SRP72: variants seen among roughly 807,000 people sequenced by gnomAD.
The protein encoded by SRP72 is signal recognition particle 72.
Under a neutral mutation model 96.3 loss-of-function variants are expected in SRP72, and 49 were observed. That is an observed-to-expected ratio of 0.51 (90% CI 0.40 to 0.65). SRP72 has a LOEUF of 0.65. SRP72 is among the 30% of genes least tolerant of loss of function. The pLI is 0.00. For synonymous variants in SRP72, 267 were observed against 275.2 expected, an observed-to-expected ratio of 0.97 and a Z score of 0.30; for missense variants, 736 against 793.3, an observed-to-expected ratio of 0.93 and a Z score of 0.87.
chr4:56,491,078 T>A (rs12509542), intron 15 of SRP72, among the ~76,000 whole-genome samples: 1 of 152,068 alleles, frequency 6.6e-6, no homozygotes, highest in Non-Finnish European at 1.5e-5. Flanking sequence ...AATCAGAGTG[T>A]GTTCCCAAAA....
In SRP72 at chr4:56,483,606, T is replaced by G. The variant is rs372776542; in HGVS notation, c.957+336T>G. Among the ~76,000 whole-genome samples the G allele has an allele frequency of 1.2e-4, 19 of 152,008 alleles. No individual in the cohort carries two copies. In the East Asian group the frequency reaches 2.9e-3, roughly 23 times the overall value. Reference sequence around the variant, plus strand: ...CTGGAGACTGAGGCACAAGAATTGTTTGCAGTGAGCTGAGATTGTGCCACT... The same window carrying G: ...CTGGAGACTGAGGCACAAGAATTGTGTGCAGTGAGCTGAGATTGTGCCACT... On this transcript the variant is annotated intron_variant, in intron 9 of 18. Transcript: ENST00000642900.
chr4:56,469,895 T>TTC (rs1719900635), intron 2 of SRP72, 122 bp downstream of exon 2: 26 of 963,372 alleles, frequency 2.7e-5, no homozygotes, highest in Non-Finnish European at 3.6e-5. Context: ...TTCCTTTTTT[T>TTC]CCCCCCTTTT....
At chr4:56,489,185 T>C (rs1321943939) in intron 12 of SRP72, 28 of 414,730 alleles carry the variant, frequency 6.8e-5, no homozygotes, top group Admixed American at 4.0e-5. Flanking sequence ...TACAGATATC[T>C]ACCTTCATAT....
At chr4:56,496,845 G>A (rs1368805993) in intron 17 of SRP72, among the ~76,000 whole-genome samples, 2 of 151,976 alleles carry the variant, frequency 1.3e-5, no homozygotes, top group Non-Finnish European at 1.5e-5. Flanking sequence ...AAAATTAGCC[G>A]AGCAGTACTC....
At chr4:56,480,674 A>G (rs1452446155) in intron 8 of SRP72, among the ~76,000 whole-genome samples, 1 of 152,210 alleles carries the variant, frequency 6.6e-6, no homozygotes, top group East Asian at 1.9e-4. Flanking sequence ...GTCAGTGGGT[A>G]TTTCTGACTT....
At chr4:56,478,730 C>A (rs2110117636) in intron 8 of SRP72, 81 bp downstream of exon 8, 1 of 1,387,320 alleles carries the variant, frequency 7.2e-7, no homozygotes, top group Non-Finnish European at 9.9e-7. Flanking sequence ...TCTAGGATAG[C>A]CTAAGTGTTC....
In SRP72 at chr4:56,501,736, G is replaced by A; in HGVS notation, c.1891G>A (p.Ala631Thr). The change falls in exon 19 of 19, where the codon GCT becomes ACT. Residue 631 changes from alanine (A) to threonine (T), a missense_variant. By Grantham distance (58) the Ala-to-Thr change is moderately conservative. Transcript: ENST00000642900. ...SPPTSPRPGS[A>T]ATVSASTSNI... ...ACCCACCTCCCCAAGACCTGGCAGT[G>A]CTGCAACAGTATCTGCCTCTACAAG... The A allele has an allele frequency of 6.2e-7, 1 of 1,614,104 alleles. No individual in the cohort carries two copies. Among genetic ancestry groups the A allele is most frequent in the Non-Finnish European group, 8.5e-7 (1 of 1,179,990 alleles).
rs10572954 is a variant in SRP72 at position 56,495,278 on chromosome 4, AACTC to A, written c.1641-78_1641-75del. The stretch of plus-strand genomic sequence containing the variant: ...CCATGTTTATGATAAGTGCCCAACT[AACTC>A]TTATAGAGCACTTACTTAATGCTCT... On this transcript the variant is annotated intron_variant, in intron 16 of 18. Coordinates refer to ENST00000642900, the MANE Select transcript of SRP72 (RefSeq NM_006947.4). 2,548 of 934,832 alleles carry A rather than the reference AACTC, an allele frequency of 2.7e-3. 54 individuals are homozygous for A. In the African/African-American group the frequency reaches 0.037, roughly 14 times the overall value. The allele number at this position is 934,832 out of a possible 1,614,324, so 57.9% of individuals were successfully genotyped here. A position where few individuals can be genotyped will look rare whatever the true frequency, so the allele number is the denominator to read the frequency against.
rs987896969 is a variant in SRP72, at chr4:56,469,332, C to G, written c.110-321C>G. 3.3e-5 allele frequency among the ~76,000 whole-genome samples: 5 copies of G among 152,162 alleles called. No homozygotes were observed. The East Asian group carries it at 9.6e-4, about 29-fold the overall frequency. The stretch of plus-strand genomic sequence containing the variant: ...ACTATGTAGAATGTAGCATGCATTT[C>G]AAGATGAAATATCTGGAGAAATTGC... On this transcript the variant is annotated intron_variant, in intron 1 of 18. Coordinates refer to ENST00000642900, the MANE Select transcript of SRP72 (RefSeq NM_006947.4).
intron 8 of SRP72, among the ~76,000 whole-genome samples, chr4:56,481,280 A>T (rs1331075556): frequency 1.3e-5 from 2 of 152,174 alleles, no homozygotes. Context: ...GACCTGGTTT[A>T]AAAAAGCACA....
rs1334413577 is a variant in SRP72, at chr4:56,500,636, A to G, written c.1779A>G (p.Lys593=). The change falls in exon 18 of 19, where the codon AAA becomes AAG. Residue 593 remains lysine, a synonymous_variant. Transcript: ENST00000642900. ...RSYYRGRKKG[K]KKDQIGKGTQ... is the part of the protein sequence containing the mutation. ...ACTACCGGGGAAGAAAGAAGGGTAA[A>G]AAGAAGGATCAGATTGGAAAAGGGA... 6.2e-7 allele frequency: 1 copy of G among 1,614,002 alleles called. No individual in the cohort carries two copies.
chr4:56,485,822 A>G (rs1720691229), intron 10 of SRP72, among the ~76,000 whole-genome samples: 1 of 152,038 alleles, frequency 6.6e-6, no homozygotes, highest in African/African-American at 2.4e-5. Flanking sequence ...GCACATTTTG[A>G]GGTTGGAAAT....
At chr4:56,492,770 A>G (rs993375078) in intron 16 of SRP72, among the ~76,000 whole-genome samples, 35 of 152,128 alleles carry the variant, frequency 2.3e-4, no homozygotes, top group African/African-American at 8.2e-4. Context: ...TGGATTTTCA[A>G]TTAAAGTATG....
chr4:56,500,442 ATGT>A, intron 17 of SRP72, 91 bp from the exon 18 acceptor site: 1 of 1,248,260 alleles, frequency 8.0e-7, no homozygotes, highest in Non-Finnish European at 1.1e-6. Context: ...TTCCATTTTA[ATGT>A]TATTTATTCC....
chr4:56,485,354 A>C (rs932498452), intron 10 of SRP72, among the ~76,000 whole-genome samples: 3 of 151,122 alleles, frequency 2.0e-5, no homozygotes, highest in African/African-American at 7.3e-5. Context: ...AAAATTGCCT[A>C]ACAGGGACAC....
intron 13 of SRP72, among the ~76,000 whole-genome samples, chr4:56,490,014 A>G (rs1382477066): frequency 6.6e-6 from 1 of 152,168 alleles, no homozygotes; most frequent in Non-Finnish European, 1.5e-5. Context: ...AAAGTATTAT[A>G]TTAAATTAAT....
intron 9 of SRP72, 102 bp from the exon 10 acceptor site, chr4:56,484,634 T>C (rs553815866): frequency 4.5e-5 from 67 of 1,483,092 alleles, no homozygotes; most frequent in Non-Finnish European, 6.1e-5. Flanking sequence ...TTGGTTAATA[T>C]TTGTTTCAAC....
chr4:56,478,154 C>CTTTTTTTTT (rs796835545), intron 6 of SRP72, among the ~76,000 whole-genome samples: 39 of 115,738 alleles, frequency 3.4e-4, no homozygotes, highest in African/African-American at 4.0e-4. Flanking sequence ...TTTGCCTTTT[C>CTTTTTTTTT]TTTTTTTTTT....
Position 56,503,322 on chromosome 4 carries a change from C to A in SRP72, c.*1461C>A, listed in dbSNP as rs182198020. ...GGTATTTATTCCTTCTGAATATATA[C>A]CCCATTATAGGAATAACTGTTACTT... On this transcript the variant is annotated 3_prime_UTR_variant, in exon 19 of 19. Coordinates refer to ENST00000642900, the MANE Select transcript of SRP72 (RefSeq NM_006947.4). 2.0e-5 allele frequency: 3 copies of A among 152,020 alleles called. No homozygotes were observed. The East Asian group carries it at 5.8e-4, about 29-fold the overall frequency. 9.4% of individuals were successfully genotyped at this position (152,020 alleles called of 1,614,324 possible).
Sources: allele counts gnomAD v4.1 joint callset (sites outside exome capture counted in the v4.1 genomes callset), GRCh38; gene constraint gnomAD v4.1.1; transcripts MANE v1.5; gene names NCBI Gene and HGNC (gene_info 2026-07-23, HGNC 2026-07-21).